Variants in ADD3 observed in about 807,000 individuals in gnomAD.
The protein encoded by ADD3 is adducin 3.
In ADD3, 25 loss-of-function variants were observed where a neutral mutation model predicts 80.2. The observed-to-expected ratio is 0.31, with a 90% CI of 0.23 to 0.44. The LOEUF (loss-of-function observed/expected upper bound fraction) is 0.44. Among genes scored for constraint, ADD3 ranks in the 20% least tolerant of loss-of-function variants. The pLI is 1.00. For missense variants in ADD3, 829 were observed against 847.5 expected (o/e 0.98, Z 0.27); for synonymous variants, 284 against 289.6 (o/e 0.98, Z 0.20).
At chr10:110,120,377 ATC>A (rs1464506128) in intron 8 of ADD3, among the ~76,000 whole-genome samples, 1 of 150,688 alleles carries the variant, frequency 6.6e-6, no homozygotes, top group African/African-American at 2.4e-5. Context: ...TTCCAATTTC[ATC>A]CATGTCCCTA....
At chr10:110,049,208 C>T (rs765542019) in intron 1 of ADD3, among the ~76,000 whole-genome samples, 29 of 152,182 alleles carry the variant, frequency 1.9e-4, no homozygotes, top group East Asian at 1.9e-4. Context: ...CTTAGATTTC[C>T]GAGGATGTAT....
At chr10:110,100,500 GA>G in intron 1 of ADD3, 124 bp from the exon 2 acceptor site, 1 of 489,988 alleles carries the variant, frequency 2.0e-6, no homozygotes, top group Non-Finnish European at 3.5e-6. Context: ...ATATTTTTGA[GA>G]AGCTACTTTT....
intron 8 of ADD3, among the ~76,000 whole-genome samples, chr10:110,120,643 C>T (rs971115800): frequency 2.2e-4 from 33 of 152,078 alleles, no homozygotes; most frequent in Non-Finnish European, 4.1e-4. Context: ...CCTGAGGAAT[C>T]GCCACACTGA....
chr10:110,025,989 T>A (rs1367791903), intron 1 of ADD3, among the ~76,000 whole-genome samples: 4 of 152,200 alleles, frequency 2.6e-5, no homozygotes, highest in African/African-American at 7.2e-5. Flanking sequence ...ATCTGTAATG[T>A]GTCAGGATCT....
At chr10:110,090,147 C>T (rs929020919) in intron 1 of ADD3, among the ~76,000 whole-genome samples, 1 of 151,716 alleles carries the variant, frequency 6.6e-6, no homozygotes, top group Non-Finnish European at 1.5e-5. Context: ...TCAGCATTGT[C>T]CAACTCTGTC....
At chr10:110,115,966 A>AT in intron 3 of ADD3, among the ~76,000 whole-genome samples, 1 of 152,290 alleles carries the variant, frequency 6.6e-6, no homozygotes, top group East Asian at 1.9e-4. Flanking sequence ...ACCCTCGGAG[A>AT]TATGTGTAAC....
chr10:110,044,094 TC>T (rs1856659044), intron 1 of ADD3, among the ~76,000 whole-genome samples: 1 of 152,086 alleles, frequency 6.6e-6, no homozygotes, highest in Non-Finnish European at 1.5e-5. Context: ...TCCCAGCTAC[TC>T]GGGAGGCTGA....
intron 2 of ADD3, chr10:110,105,976 A>G (rs1849356784): frequency 6.6e-6 from 1 of 152,112 alleles, no homozygotes; most frequent in Admixed American, 6.5e-5. Flanking sequence ...AATATGGTTT[A>G]TTTGTTTTTT....
intron 1 of ADD3, among the ~76,000 whole-genome samples, chr10:110,095,683 A>G (rs1848066728): frequency 6.6e-6 from 1 of 152,230 alleles, no homozygotes; most frequent in Non-Finnish European, 1.5e-5. Context: ...CTATAATTTT[A>G]TAATAGTCAA....
At chr10:110,119,800 C>G (rs376989752) in intron 8 of ADD3, 2 of 403,534 alleles carry the variant, frequency 5.0e-6, no homozygotes, top group East Asian at 4.6e-5. Flanking sequence ...ATCATTTTCC[C>G]TACAATCCTG....
At chr10:110,069,002 G>T (rs373887632) in intron 1 of ADD3, among the ~76,000 whole-genome samples, 15 of 152,074 alleles carry the variant, frequency 9.9e-5, no homozygotes, top group African/African-American at 3.1e-4. Context: ...ATTTGAGCCC[G>T]GGGAGGTTGT....
chr10:110,094,130 T>C (rs1489222783), intron 1 of ADD3, among the ~76,000 whole-genome samples: 2 of 152,178 alleles, frequency 1.3e-5, no homozygotes, highest in East Asian at 1.9e-4. Flanking sequence ...TTAAGTCTAT[T>C]ACAAGCACTA....
chr10:110,117,321 C>A (rs370633488), intron 4 of ADD3, 21 bp from the exon 5 acceptor site: 6 of 1,336,060 alleles, frequency 4.5e-6, no homozygotes, highest in Non-Finnish European at 6.4e-6. Context: ...CATAGTAATT[C>A]CCTGTTGTTT....
At chr10:110,087,174 G>A (rs7098559) in intron 1 of ADD3, among the ~76,000 whole-genome samples, 18,624 of 151,840 alleles carry the variant, frequency 0.12, 3,660 homozygotes, top group African/African-American at 0.42. Flanking sequence ...GATTACAGGC[G>A]CCCACCACCA....
chr10:110,047,559 C>A (rs575217302), intron 1 of ADD3, among the ~76,000 whole-genome samples: 1 of 152,268 alleles, frequency 6.6e-6, no homozygotes, highest in African/African-American at 2.4e-5. Context: ...TCCCTGAAAA[C>A]CATTTTATAA....
intron 1 of ADD3, among the ~76,000 whole-genome samples, chr10:110,077,797 A>T (rs906100893): frequency 1.3e-5 from 2 of 151,444 alleles, no homozygotes; most frequent in Non-Finnish European, 2.9e-5. Flanking sequence ...GGTCTGTCTG[A>T]TCTTTTTTCC....
rs187887607 is a variant in ADD3 at position 110,030,903 on chromosome 10, G to A, written c.-30+22604G>A. Among the ~76,000 whole-genome samples, 6 of 151,628 alleles carry A rather than the reference G, an allele frequency of 4.0e-5. No individual in the cohort carries two copies. In the East Asian group the frequency reaches 1.2e-3, roughly 29 times the overall value. On this transcript the variant is annotated intron_variant, in intron 1 of 14. Transcript: ENST00000356080. ...CTCCCATTGATGAAGTTTAAAAAACGAAACCAAACCACTTGCTCCACCCAC... is the reference window on the plus strand; with the variant it reads ...CTCCCATTGATGAAGTTTAAAAAACAAAACCAAACCACTTGCTCCACCCAC...
intron 1 of ADD3, among the ~76,000 whole-genome samples, chr10:110,099,970 T>C (rs1455579820): frequency 6.6e-6 from 1 of 152,196 alleles, no homozygotes. Flanking sequence ...ACTTTGCATA[T>C]GTGGTATTAA....
intron 2 of ADD3, among the ~76,000 whole-genome samples, chr10:110,107,720 A>G (rs1849551985): frequency 1.3e-5 from 2 of 152,144 alleles, no homozygotes; most frequent in African/African-American, 4.8e-5. Flanking sequence ...AATGGGGAAA[A>G]TACCTCACAC....
Sources: gnomAD v4.1 joint callset for allele counts (sites outside exome capture counted in the v4.1 genomes callset) on GRCh38, gnomAD v4.1.1 for gene constraint, MANE v1.5 for transcripts, NCBI Gene and HGNC (gene_info 2026-07-23, HGNC 2026-07-21) for gene names.